The following JAK1 variants were observed in gnomAD, a reference collection of about 807,000 sequenced individuals.
JAK1 encodes tyrosine-protein kinase JAK1.
JAK1 carries 16 observed loss-of-function variants against 136.6 expected under a neutral mutation model. The ratio of observed to expected loss-of-function variants is 0.12; its 90% confidence interval spans 0.08 to 0.18. The LOEUF (loss-of-function observed/expected upper bound fraction) is 0.18. Ranked by LOEUF, JAK1 falls within the 10% of genes least tolerant of loss-of-function variation. The probability of loss-of-function intolerance (pLI) is 1.00; values close to 1 mark genes in which losing one functional copy is unlikely to be tolerated. For missense variants in JAK1, 859 were observed against 1,450.1 expected (o/e 0.59, Z 6.62); for synonymous variants, 492 against 519.5 (o/e 0.95, Z 0.72).
intron 5 of JAK1, among the ~76,000 whole-genome samples, chr1:64,872,235 C>G (rs1055832466): frequency 2.0e-5 from 3 of 152,158 alleles, no homozygotes; most frequent in Non-Finnish European, 4.4e-5. Flanking sequence ...CTGGTAAATA[C>G]CCTACAATGC....
chr1:64,942,790 G>A (rs1390137422), intron 1 of JAK1, among the ~76,000 whole-genome samples: 1 of 152,054 alleles, frequency 6.6e-6, no homozygotes, highest in South Asian at 2.1e-4. Context: ...TTTAAGGTGG[G>A]AAGTAGAACG....
intron 1 of JAK1, among the ~76,000 whole-genome samples, chr1:65,062,983 A>G (rs1337121463): frequency 1.3e-5 from 2 of 152,244 alleles, no homozygotes; most frequent in Non-Finnish European, 2.9e-5. Context: ...ATAGCACCGA[A>G]TAGCTCCTAA....
intron 2 of JAK1, among the ~76,000 whole-genome samples, chr1:65,017,190 G>C (rs1646898125): frequency 6.6e-6 from 1 of 152,124 alleles, no homozygotes; most frequent in African/African-American, 2.4e-5. Context: ...AATAGGCCAG[G>C]ACTGGTGGCT....
chr1:64,945,184 A>G (rs1645962373), intron 1 of JAK1, among the ~76,000 whole-genome samples: 1 of 152,174 alleles, frequency 6.6e-6, no homozygotes, highest in African/African-American at 2.4e-5. Context: ...CATGTTAACA[A>G]GATGGCAGTT....
intron 1 of JAK1, among the ~76,000 whole-genome samples, chr1:65,061,490 A>G (rs922763860): frequency 2.6e-5 from 4 of 152,170 alleles, no homozygotes; most frequent in Admixed American, 1.3e-4. Context: ...AAACCTTTGA[A>G]TATCTGATTA....
intron 1 of JAK1, among the ~76,000 whole-genome samples, chr1:64,940,302 T>A (rs1207127005): frequency 1.3e-5 from 2 of 149,060 alleles, no homozygotes; most frequent in African/African-American, 4.9e-5. Flanking sequence ...AAGACCTAGC[T>A]TATACCAATT....
At chr1:64,912,395 A>G (rs1163987483) in intron 1 of JAK1, among the ~76,000 whole-genome samples, 2 of 152,340 alleles carry the variant, frequency 1.3e-5, no homozygotes, top group East Asian at 3.8e-4. Flanking sequence ...TCTACAGTGC[A>G]GTAGCATCCT....
chr1:64,850,846 G>A lies in JAK1; in HGVS notation c.1713C>T (p.Ser571=). 1.2e-6 allele frequency: 2 copies of A among 1,614,144 alleles called. No individual in the cohort carries two copies. Among genetic ancestry groups the A allele is most frequent in the South Asian group, 1.1e-5 (1 of 91,084 alleles). ...TGAGGATCCGATCGAAACTCAGCTG[G>A]CTCATGGGGTAGACGGGCTGCCACT... is the stretch of plus-strand genomic sequence containing the variant. ...AQEWQPVYPM[S]QLSFDRILKK... The change falls in exon 12 of 25, where the codon AGC becomes AGT. Residue 571 remains serine, a synonymous_variant. Transcript: ENST00000342505.
chr1:65,011,044 T>G (rs552140386), intron 2 of JAK1, among the ~76,000 whole-genome samples: 1 of 152,352 alleles, frequency 6.6e-6, no homozygotes, highest in East Asian at 1.9e-4. Flanking sequence ...ATGAAACATA[T>G]TAATGTGCTT....
At chr1:64,989,029 T>TATAA (rs1343047707) in intron 2 of JAK1, among the ~76,000 whole-genome samples, 2 of 135,144 alleles carry the variant, frequency 1.5e-5, no homozygotes, top group African/African-American at 2.8e-5. Context: ...TATATATATA[T>TATAA]AAAATACAGA....
intron 2 of JAK1, among the ~76,000 whole-genome samples, chr1:65,015,233 T>C (rs1646883494): frequency 6.6e-6 from 1 of 152,136 alleles, no homozygotes; most frequent in African/African-American, 2.4e-5. Flanking sequence ...TGCAAAATTG[T>C]GCATAACACA....
At chr1:64,948,254 CCAAGATA>C (rs1379497874) in intron 1 of JAK1, among the ~76,000 whole-genome samples, 1 of 152,194 alleles carries the variant, frequency 6.6e-6, no homozygotes, top group East Asian at 1.9e-4. Flanking sequence ...CTCGTATGAA[CCAAGATA>C]CACAGACAAA....
At chr1:64,956,003 A>G (rs1365658456) in intron 1 of JAK1, among the ~76,000 whole-genome samples, 1 of 152,256 alleles carries the variant, frequency 6.6e-6, no homozygotes, top group East Asian at 1.9e-4. Context: ...TGGAAAAAAA[A>G]GAAAAATATT....
chr1:64,893,395 A>G (rs1211300664), intron 1 of JAK1, among the ~76,000 whole-genome samples: 1 of 149,936 alleles, frequency 6.7e-6, no homozygotes, highest in Non-Finnish European at 1.5e-5. Context: ...CAAACCCTGC[A>G]TAATGAAAAA....
At chr1:64,880,862 G>C (rs754035191) in intron 3 of JAK1, among the ~76,000 whole-genome samples, 1 of 152,004 alleles carries the variant, frequency 6.6e-6, no homozygotes, top group Non-Finnish European at 1.5e-5. Context: ...CAGGAGAATC[G>C]CTTGAACCTG....
At chr1:65,054,410 A>C (rs1350290169) in intron 1 of JAK1, among the ~76,000 whole-genome samples, 1 of 152,024 alleles carries the variant, frequency 6.6e-6, no homozygotes, top group Non-Finnish European at 1.5e-5. Context: ...TATATATATG[A>C]TTTTATATAT....
chr1:64,932,216 C>T (rs1645708090), intron 1 of JAK1, among the ~76,000 whole-genome samples: 1 of 152,076 alleles, frequency 6.6e-6, no homozygotes, highest in East Asian at 1.9e-4. Flanking sequence ...AGATTGAGAC[C>T]AGCCTGGCCA....
At chr1:64,847,431 A>G (rs1655307983) in intron 13 of JAK1, 101 bp downstream of exon 13, 1 of 1,421,432 alleles carries the variant, frequency 7.0e-7, no homozygotes, top group South Asian at 1.2e-5. Context: ...TTTGAAAACC[A>G]CTGGGCCACA....
At chr1:64,980,218 G>T (rs573889573) in intron 2 of JAK1, among the ~76,000 whole-genome samples, 1 of 152,054 alleles carries the variant, frequency 6.6e-6, no homozygotes, top group Non-Finnish European at 1.5e-5. Flanking sequence ...CTCTCAACAC[G>T]GTGCCTGGAC....
Sources: allele counts gnomAD v4.1 joint callset (sites outside exome capture counted in the v4.1 genomes callset), GRCh38; gene constraint gnomAD v4.1.1; transcripts MANE v1.5; gene names NCBI Gene and HGNC (gene_info 2026-07-23, HGNC 2026-07-21).